The following GRIP2 variants were observed in gnomAD, a reference collection of about 807,000 sequenced individuals.
The protein encoded by GRIP2 is glutamate receptor-interacting protein 2.
GRIP2 carries 58 observed loss-of-function variants against 108.3 expected under a neutral mutation model. The ratio of observed to expected loss-of-function variants is 0.54; its 90% confidence interval spans 0.43 to 0.67. GRIP2 has a LOEUF of 0.67. Among genes scored for constraint, GRIP2 ranks in the 30% least tolerant of loss-of-function variants. GRIP2 has a pLI of 0.00. For synonymous variants in GRIP2, 586 were observed against 598.2 expected (o/e 0.98, Z 0.30); for missense variants, 1,278 against 1,430.6 (o/e 0.89, Z 1.72).
chr3:14,546,387 C>T (rs753995148), upstream of GRIP2, among the ~76,000 whole-genome samples: 1 of 152,148 alleles, frequency 6.6e-6, no homozygotes, highest in South Asian at 2.1e-4. Context: ...TGGCAACTAC[C>T]GGGAGTGGGC....
chr3:14,545,089 C>CA (rs1369799513), upstream of GRIP2, among the ~76,000 whole-genome samples: 1 of 152,228 alleles, frequency 6.6e-6, no homozygotes. Flanking sequence ...CCGACAGCCG[C>CA]AAGAGCAAAG....
rs751661360 is a variant in GRIP2, at chr3:14,494,891, A to G, written c.2922T>C (p.Asp974=). 16 of 1,613,750 alleles carry G rather than the reference A, an allele frequency of 9.9e-6. No individual in the cohort carries two copies. The highest frequency in any genetic ancestry group is 1.3e-5 in the Non-Finnish European group (15 of 1,179,848). The change falls in exon 23 of 24, where the codon GAT becomes GAC. Residue 974 remains aspartate (D), a synonymous_variant. Transcript: ENST00000621039. ...KGVYVHTVRP[D]GPAHRGGLQP... Reference sequence around the variant, plus strand: ...GGAGGCCTCCACGGTGGGCTGGCCCATCAGGGCGCACAGTGTGGACATAGA... The same window carrying G: ...GGAGGCCTCCACGGTGGGCTGGCCCGTCAGGGCGCACAGTGTGGACATAGA...
chr3:14,517,993 T>G (rs1694304112), intron 9 of GRIP2, 96 bp from the exon 10 acceptor site: 1 of 1,384,294 alleles, frequency 7.2e-7, no homozygotes, highest in African/African-American at 1.5e-5. Flanking sequence ...ATCCTCGTGC[T>G]TCCCCTGAGC....
chr3:14,491,210 A>T lies in GRIP2; in HGVS notation c.*2455T>A, dbSNP rs1574980788. ...TATTTTAAAAAATCATCCCCATGGC[A>T]CCTACCCCCAAGCCACTGCAACCCC... On this transcript the variant is annotated 3_prime_UTR_variant, in exon 24 of 24. Coordinates refer to ENST00000621039, the MANE Select transcript of GRIP2 (RefSeq NM_001080423.4). 1.3e-5 allele frequency: 2 copies of T among 152,186 alleles called. No individual in the cohort carries two copies. Among genetic ancestry groups the T allele is most frequent in the South Asian group, 4.1e-4 (2 of 4,830 alleles). 9.4% of individuals were successfully genotyped at this position (152,186 alleles called of 1,614,324 possible). A position where few individuals can be genotyped will look rare whatever the true frequency, so the allele number is the denominator to read the frequency against.
At chr3:14,506,718 C>A (rs1278692641) in intron 19 of GRIP2, 83 bp downstream of exon 19, 2 of 1,289,790 alleles carry the variant, frequency 1.6e-6, no homozygotes, top group Non-Finnish European at 2.1e-6. Context: ...GAGGAACAGG[C>A]ACAAGAACAG....
In GRIP2 at chr3:14,521,440, T is replaced by G; in HGVS notation, c.712+202A>C. On this transcript the variant is annotated intron_variant, in intron 7 of 23. Transcript: ENST00000621039. The surrounding 1 kb of genome is among the most constrained non-coding windows in gnomAD (Gnocchi z 5.1). ...TGCCAGCTCCATGAGAACAGACACC[T>G]CAATTCTGTTGTTCTAGGCTGGATC... is the stretch of plus-strand genomic sequence containing the variant. The G allele has an allele frequency of 1.8e-6, 1 of 564,820 alleles. No individual in the cohort carries two copies. The highest frequency in any genetic ancestry group is 3.1e-6 in the Non-Finnish European group (1 of 326,416). 35.0% of individuals were successfully genotyped at this position (564,820 alleles called of 1,614,324 possible).
intron 7 of GRIP2, 162 bp from the exon 8 acceptor site, chr3:14,520,699 A>G (rs1694384736): frequency 1.4e-6 from 1 of 725,032 alleles, no homozygotes; most frequent in East Asian, 2.7e-5. Context: ...TTTATCTTCT[A>G]CCAAATGTTA....
chr3:14,590,857 C>A, the GRIP2 span, among the ~76,000 whole-genome samples: 1 of 152,118 alleles, frequency 6.6e-6, no homozygotes, highest in Non-Finnish European at 1.5e-5. Flanking sequence ...CAGGGTTGCC[C>A]GATCTTCCAA....
chr3:14,569,158 C>G, the GRIP2 span, among the ~76,000 whole-genome samples: 3 of 152,360 alleles, frequency 2.0e-5, no homozygotes, highest in East Asian at 5.8e-4. Flanking sequence ...CACTTTCCAT[C>G]TTCTGCAGTG....
At position 14,511,231 on chromosome 3, in the gene GRIP2, C is replaced by T. The variant is rs530380433; in HGVS notation, c.1867G>A (p.Val623Met). The T allele has an allele frequency of 1.8e-5, 29 of 1,613,976 alleles. No homozygotes were observed. Among genetic ancestry groups the T allele is most frequent in the East Asian group, 8.9e-5 (4 of 44,882 alleles). The change falls in exon 16 of 24, where the codon GTG becomes ATG. Residue 623 changes from valine to methionine, a missense_variant. Transcript: ENST00000621039. The surrounding 1 kb of genome is among the most constrained non-coding windows in gnomAD (Gnocchi z 4.1). ...TCCTCGCACTGCCGCAGGATTTGCA[C>T]GGCGTCCTCCATGGGGCAGTTGTCC... Reference protein sequence around the residue: ...RLDNCPMEDAVQILRQCEDLV... With the variant: ...RLDNCPMEDAMQILRQCEDLV...
At chr3:14,576,251 G>A in the GRIP2 span, among the ~76,000 whole-genome samples, 3 of 152,242 alleles carry the variant, frequency 2.0e-5, no homozygotes, top group South Asian at 2.1e-4. Context: ...CGCAATTGGC[G>A]TGGCTCTCAA....
Position 14,520,264 on chromosome 3 carries a change from G to A in GRIP2, c.876C>T (p.His292=), listed in dbSNP as rs770805403. 2 of 1,613,758 alleles carry A rather than the reference G, an allele frequency of 1.2e-6. No individual in the cohort carries two copies. Among genetic ancestry groups the A allele is most frequent in the Non-Finnish European group, 8.5e-7 (1 of 1,179,782 alleles). ...CGATGGACAGGATGTGGTCTCCAGG[G>A]TGCAGGGCTCCGCTCCTGGCCAGGC... ...ASVVDRSGAL[H]PGDHILSIDG... is the part of the protein sequence containing the mutation. Residue 292 remains histidine, a synonymous_variant, in exon 9 of 24, where the codon CAC becomes CAT. Transcript: ENST00000621039.
the GRIP2 span, among the ~76,000 whole-genome samples, chr3:14,581,495 A>G: frequency 3.1e-4 from 47 of 152,240 alleles, no homozygotes; most frequent in Non-Finnish European, 4.4e-5. Flanking sequence ...ATCCAATCAT[A>G]GCAGTCCTTT....
At chr3:14,574,067 G>A in the GRIP2 span, 2 of 1,493,538 alleles carry the variant, frequency 1.3e-6, no homozygotes, top group South Asian at 1.1e-5. Flanking sequence ...CGTACTTGAC[G>A]TTCTCGTAGA....
At chr3:14,602,184 C>T in the GRIP2 span, 1 of 152,228 alleles carries the variant, frequency 6.6e-6, no homozygotes, top group Non-Finnish European at 1.5e-5. The surrounding 1 kb of genome is among the most constrained non-coding windows in gnomAD (Gnocchi z 4.7). Flanking sequence ...CAAATCCAAA[C>T]TTTTCCTCAG....
rs545590078 is a variant in GRIP2, at chr3:14,530,990, G to A, written c.41-5059C>T. Reference sequence around the variant, plus strand: ...TTTCTATTTTTTTTTGCAAAACTACGGAAGACTTCACAAATTTGTGTGTCA... The same window carrying A: ...TTTCTATTTTTTTTTGCAAAACTACAGAAGACTTCACAAATTTGTGTGTCA... On this transcript the variant is annotated intron_variant, in intron 1 of 23. Transcript: ENST00000621039. 20 of 151,760 alleles carry A rather than the reference G, an allele frequency of 1.3e-4. 1 individual carries two copies. In the East Asian group the frequency reaches 2.3e-3, roughly 18 times the overall value. The allele number at this position is 151,760 out of a possible 1,614,324, so 9.4% of individuals were successfully genotyped here.
upstream of GRIP2, among the ~76,000 whole-genome samples, chr3:14,560,976 G>A (rs377119438): frequency 2.6e-5 from 4 of 152,320 alleles, no homozygotes; most frequent in South Asian, 4.1e-4. Flanking sequence ...TTTAGTCAAA[G>A]GAGGCCACAG....
Position 14,490,638 on chromosome 3 carries a change from C to G in GRIP2, c.*3027G>C, listed in dbSNP as rs75851328. The G allele has an allele frequency of 0.03, 4,613 of 152,442 alleles. 70 individuals are homozygous for G. Among genetic ancestry groups the G allele is most frequent in the South Asian group, 0.062 (298 of 4,832 alleles). 9.4% of individuals were successfully genotyped at this position (152,442 alleles called of 1,614,324 possible). A position where few individuals can be genotyped will look rare whatever the true frequency, so the allele number is the denominator to read the frequency against. On this transcript the variant is annotated 3_prime_UTR_variant, in exon 24 of 24. Coordinates refer to ENST00000621039, the MANE Select transcript of GRIP2 (RefSeq NM_001080423.4). ...ATCAAATTTGCTCCCCCTACCCAAGCCTTCACGACTGATTCCTGCTACCTC... is the reference window on the plus strand; with the variant it reads ...ATCAAATTTGCTCCCCCTACCCAAGGCTTCACGACTGATTCCTGCTACCTC...
At chr3:14,501,972 G>T (rs1057110509) in intron 21 of GRIP2, among the ~76,000 whole-genome samples, 1 of 152,000 alleles carries the variant, frequency 6.6e-6, no homozygotes, top group Non-Finnish European at 1.5e-5. Context: ...AAAGATGGAC[G>T]ATCAGAAGAA....
Sources: gnomAD v4.1 joint callset for allele counts (sites outside exome capture counted in the v4.1 genomes callset) on GRCh38, gnomAD v4.1.1 for gene constraint, Gnocchi (gnomAD v3.1) non-coding constraint, MANE v1.5 for transcripts, NCBI Gene and HGNC (gene_info 2026-07-23, HGNC 2026-07-21) for gene names.